Variants in COL24A1 observed in about 807,000 individuals in gnomAD.
The protein encoded by COL24A1 is collagen type XXIV alpha 1 chain, also known as collagen alpha-1(XXIV) chain.
COL24A1 carries 224 observed loss-of-function variants against 253.9 expected under a neutral mutation model. That is an observed-to-expected ratio of 0.88 (90% confidence interval 0.79 to 0.99). The LOEUF (loss-of-function observed/expected upper bound fraction) is 0.99, where lower values mean the gene tolerates loss of function less well. Among genes scored for constraint, COL24A1 ranks in the 50% least tolerant of loss-of-function variants. COL24A1 has a pLI of 0.00. For missense variants in COL24A1, 2,131 were observed against 2,068.5 expected, an observed-to-expected ratio of 1.03 and a Z score of -0.59; for synonymous variants, 685 against 673.7, an observed-to-expected ratio of 1.02 and a Z score of -0.26.
At chr1:85,846,779 A>C (rs144580697) in intron 39 of COL24A1, among the ~76,000 whole-genome samples, 3 of 152,178 alleles carry the variant, frequency 2.0e-5, no homozygotes, top group African/African-American at 7.2e-5. Flanking sequence ...AACATTATAA[A>C]ATGTTTTTGT....
At chr1:86,090,838 C>T (rs963584508) in intron 6 of COL24A1, among the ~76,000 whole-genome samples, 4 of 151,978 alleles carry the variant, frequency 2.6e-5, no homozygotes, top group African/African-American at 9.7e-5. Flanking sequence ...ATATAAGTAA[C>T]TCAAAAAGTG....
At chr1:85,857,458 C>CAAAAAAAAAAAAAAA (rs57368737) in intron 37 of COL24A1, among the ~76,000 whole-genome samples, 1 of 94,486 alleles carries the variant, frequency 1.1e-5, no homozygotes, top group Non-Finnish European at 2.1e-5. Flanking sequence ...CCCTCTTCTC[C>CAAAAAAAAAAAAAAA]AAAAAAAAAA....
chr1:85,862,426 C>T (rs200823854), intron 37 of COL24A1, among the ~76,000 whole-genome samples: 2 of 25,868 alleles, frequency 7.7e-5, no homozygotes, highest in Non-Finnish European at 1.8e-4. Context: ...AGAAAATCTA[C>T]GTTAAAAATC....
intron 32 of COL24A1, among the ~76,000 whole-genome samples, 156 bp downstream of exon 32, chr1:85,889,404 A>G (rs1303020313): frequency 2.6e-5 from 4 of 152,138 alleles, no homozygotes; most frequent in East Asian, 1.9e-4. Context: ...AAGGCACTAT[A>G]AACTATTATT....
intron 14 of COL24A1, among the ~76,000 whole-genome samples, chr1:86,026,224 T>C (rs1477110715): frequency 6.6e-6 from 1 of 152,204 alleles, no homozygotes; most frequent in Non-Finnish European, 1.5e-5. Flanking sequence ...GCAAATAAGA[T>C]ATGTATATAA....
chr1:86,095,140 A>G (rs957568703), intron 5 of COL24A1, among the ~76,000 whole-genome samples: 1 of 151,990 alleles, frequency 6.6e-6, no homozygotes, highest in Non-Finnish European at 1.5e-5. Context: ...TATAAATATC[A>G]TGTTAAAAAT....
rs1692723442 is a variant in COL24A1, at chr1:85,976,756, C to G, written c.2365-5363G>C. Reference sequence around the variant, plus strand: ...ATTATGGCAACTCATGACAAAATAACCTGACAAAATAACCCTACTCCAAGG... The same window carrying G: ...ATTATGGCAACTCATGACAAAATAAGCTGACAAAATAACCCTACTCCAAGG... On this transcript the variant is annotated intron_variant, in intron 20 of 59. Coordinates refer to ENST00000370571, the MANE Select transcript of COL24A1 (RefSeq NM_152890.7). Among the ~76,000 whole-genome samples, 4 of 152,248 alleles carry G rather than the reference C, an allele frequency of 2.6e-5. No homozygotes were observed. In the South Asian group the frequency reaches 8.3e-4, roughly 32 times the overall value.
intron 11 of COL24A1, among the ~76,000 whole-genome samples, chr1:86,048,636 G>A (rs556272482): frequency 3.9e-4 from 59 of 151,942 alleles, no homozygotes; most frequent in African/African-American, 1.4e-3. Flanking sequence ...GACTACAGGC[G>A]CCCACCACCA....
chr1:85,991,755 G>T (rs1488151630), intron 19 of COL24A1, among the ~76,000 whole-genome samples: 3 of 151,954 alleles, frequency 2.0e-5, no homozygotes, highest in African/African-American at 7.3e-5. Context: ...GATAATAGAA[G>T]AAAAAGATGT....
At chr1:85,981,926 G>A (rs1388387246) in intron 20 of COL24A1, among the ~76,000 whole-genome samples, 7 of 152,020 alleles carry the variant, frequency 4.6e-5, no homozygotes, top group Non-Finnish European at 7.4e-5. Flanking sequence ...GATAAAAACT[G>A]GATATTTATA....
chr1:86,093,619 A>G (rs1703674380), intron 5 of COL24A1, among the ~76,000 whole-genome samples: 1 of 152,120 alleles, frequency 6.6e-6, no homozygotes, highest in Non-Finnish European at 1.5e-5. Flanking sequence ...GCAATCGCAA[A>G]AAAACAAAAA....
At chr1:85,776,135 G>T (rs968448533) in intron 52 of COL24A1, among the ~76,000 whole-genome samples, 2 of 152,046 alleles carry the variant, frequency 1.3e-5, no homozygotes, top group South Asian at 2.1e-4. Flanking sequence ...TTAATATGTT[G>T]TATATGTTTC....
chr1:86,020,061 C>CTTTTTT lies in COL24A1; in HGVS notation c.2256+2173_2256+2178dup, dbSNP rs10582249. ...CCTAAACTTTCTTTTTTCATTCTTT[C>CTTTTTT]TTTTTTTTTTTTTTTTTTTTTTTTG... On this transcript the variant is annotated intron_variant, in intron 18 of 59. Transcript: ENST00000370571. Among the ~76,000 whole-genome samples, 226 of 102,590 alleles carry CTTTTTT rather than the reference C, an allele frequency of 2.2e-3. 1 individual carries two copies. Among genetic ancestry groups the CTTTTTT allele is most frequent in the Non-Finnish European group, 2.4e-3 (125 of 51,210 alleles). The allele number at this position is 102,590 out of a possible 152,430, so 67.3% of individuals were successfully genotyped here.
At chr1:86,138,029 T>G (rs917381532) in intron 2 of COL24A1, among the ~76,000 whole-genome samples, 20 of 152,132 alleles carry the variant, frequency 1.3e-4, no homozygotes, top group Non-Finnish European at 2.8e-4. Flanking sequence ...CTTACCTAAT[T>G]TTGCTCCAGC....
intron 8 of COL24A1, among the ~76,000 whole-genome samples, chr1:86,062,770 G>A (rs1348560305): frequency 6.6e-6 from 1 of 152,098 alleles, no homozygotes; most frequent in Non-Finnish European, 1.5e-5. Flanking sequence ...ATGTGTTAGA[G>A]ATACATATAT....
chr1:85,784,402 A>G (rs1468070522), intron 48 of COL24A1, 36 bp from the exon 49 acceptor site: 14 of 1,472,854 alleles, frequency 9.5e-6, no homozygotes, highest in Non-Finnish European at 1.3e-5. Context: ...TCTTTACATC[A>G]GAACATATAA....
At chr1:85,763,036 C>T (rs898796696) in intron 53 of COL24A1, among the ~76,000 whole-genome samples, 2 of 152,136 alleles carry the variant, frequency 1.3e-5, no homozygotes, top group Non-Finnish European at 2.9e-5. Context: ...AAATATGATT[C>T]CAACAATATA....
intron 7 of COL24A1, among the ~76,000 whole-genome samples, chr1:86,067,150 A>AG (rs370236818): frequency 9.4e-4 from 134 of 142,624 alleles, no homozygotes; most frequent in African/African-American, 2.9e-3. Flanking sequence ...AAAAAGAAGA[A>AG]AAAAAAAAAA....
At chr1:86,132,765 G>T (rs1416196383) in intron 2 of COL24A1, among the ~76,000 whole-genome samples, 2 of 152,142 alleles carry the variant, frequency 1.3e-5, no homozygotes, top group African/African-American at 4.8e-5. Context: ...TTTGGTTACT[G>T]TAGCTTTGTG....
Sources: allele counts gnomAD v4.1 joint callset (sites outside exome capture counted in the v4.1 genomes callset), GRCh38; gene constraint gnomAD v4.1.1; transcripts MANE v1.5; gene names NCBI Gene and HGNC (gene_info 2026-07-23, HGNC 2026-07-21).